The following OSM variants were observed in gnomAD, a reference collection of about 807,000 sequenced individuals.
The protein encoded by OSM is oncostatin M.
In OSM, 1 loss-of-function variant was observed where a neutral mutation model predicts 6.3. The observed-to-expected ratio is 0.16, with a 90% CI of 0.06 to 0.76. The LOEUF (loss-of-function observed/expected upper bound fraction) is 0.76, where lower values mean the gene tolerates loss of function less well. Ranked by LOEUF, OSM falls within the 30% of genes least tolerant of loss-of-function variation. OSM has a pLI of 0.77. For missense variants in OSM, 324 were observed against 336.9 expected (o/e 0.96, Z 0.30); for synonymous variants, 135 against 143.4 (o/e 0.94, Z 0.42).
chr22:30,265,195 T>C (rs5763918), intron 1 of OSM, 51 bp from the exon 2 acceptor site: 327,468 of 1,580,664 alleles, frequency 0.21, 35,670 homozygotes, highest in African/African-American at 0.33. Flanking sequence ...AAGCCACAGA[T>C]GGGAGCCTCG....
chr22:30,264,141 C>T lies in OSM; in HGVS notation c.501G>A (p.Lys167=), dbSNP rs1929321826. ...GCGGCTGAGAGGCCCCCCGGCCAGCCTTCGTGGGCTCAGCCGTGTCTGAGT... is the reference window on the plus strand; with the variant it reads ...GCGGCTGAGAGGCCCCCCGGCCAGCTTTCGTGGGCTCAGCCGTGTCTGAGT... The part of the protein sequence containing the change: ...LDNSDTAEPT[K]AGRGASQPPT... The change falls in exon 3 of 3, where the codon AAG becomes AAA. Residue 167 remains lysine (K), a synonymous_variant. Coordinates refer to ENST00000215781, the MANE Select transcript of OSM (RefSeq NM_020530.6). 1 of 1,612,994 alleles carries T rather than the reference C, an allele frequency of 6.2e-7. No homozygotes were observed. Among genetic ancestry groups the T allele is most frequent in the Non-Finnish European group, 8.5e-7 (1 of 1,179,540 alleles).
In OSM at chr22:30,263,467, TC is replaced by T. The variant is rs1485208220; in HGVS notation, c.*415del. On this transcript the variant is annotated 3_prime_UTR_variant, in exon 3 of 3. Coordinates refer to ENST00000215781, the MANE Select transcript of OSM (RefSeq NM_020530.6). ...TAGGAGGCCAGCTCAGGCTGTGACC[TC>T]CCCTTCAGAAACACGGAAAGGAGGA... 3 of 180,626 alleles carry T rather than the reference TC, an allele frequency of 1.7e-5. No homozygotes were observed. The highest frequency in any genetic ancestry group is 7.1e-5 in the African/African-American group (3 of 42,510). 11.2% of individuals were successfully genotyped at this position (180,626 alleles called of 1,614,324 possible).
At position 30,263,970 on chromosome 22, in the gene OSM, G is replaced by C; in HGVS notation, c.672C>G (p.Pro224=). 15 of 1,540,666 alleles carry C rather than the reference G, an allele frequency of 9.7e-6. No homozygotes were observed. The highest frequency in any genetic ancestry group is 1.3e-5 in the Non-Finnish European group (15 of 1,143,430). ...GCACCCCCTTCCTCAGGGCCTGGTG[G>C]GGGCTGTGTCTCCGGCTCCGGTTCG... The part of the protein sequence containing the change: ...ESPNRSRRHS[P]HQALRKGVRR... Residue 224 remains proline, a synonymous_variant, in exon 3 of 3, where the codon CCC becomes CCG. Coordinates refer to ENST00000215781, the MANE Select transcript of OSM (RefSeq NM_020530.6).
chr22:30,264,108 G>A lies in OSM; in HGVS notation c.534C>T (p.Pro178=), dbSNP rs200309149. The change falls in exon 3 of 3, where the codon CCC becomes CCT. Residue 178 remains proline, a synonymous_variant. Coordinates refer to ENST00000215781, the MANE Select transcript of OSM (RefSeq NM_020530.6). ...GCTGAAAAGCATCCGAGGCAGGGGT[G>A]GGGGTGGGCGGCTGAGAGGCCCCCC... ...AGRGASQPPT[P]TPASDAFQRK... 8 of 1,610,706 alleles carry A rather than the reference G, an allele frequency of 5.0e-6. No individual in the cohort carries two copies. The highest frequency in any genetic ancestry group is 4.0e-5 in the African/African-American group (3 of 74,888).
rs890828254 is a variant in OSM, at chr22:30,265,362, C to T, written c.35-218G>A. On this transcript the variant is annotated intron_variant, in intron 1 of 2. Coordinates refer to ENST00000215781, the MANE Select transcript of OSM (RefSeq NM_020530.6). ...CAGTAAGTCACTGCCCAGGGCCTGACACAGCAAGCAGTGGGAGGGACTGAG... is the reference window on the plus strand; with the variant it reads ...CAGTAAGTCACTGCCCAGGGCCTGATACAGCAAGCAGTGGGAGGGACTGAG... 3.0e-6 allele frequency: 3 copies of T among 985,372 alleles called. No individual in the cohort carries two copies. In the African/African-American group the frequency reaches 5.2e-5, roughly 17 times the overall value. 61.0% of individuals were successfully genotyped at this position (985,372 alleles called of 1,614,324 possible).
rs1389844271 is a variant in OSM at position 30,264,993 on chromosome 22, G to C, written c.177+9C>G. On this transcript the variant is annotated intron_variant, in intron 2 of 2. Coordinates refer to ENST00000215781, the MANE Select transcript of OSM (RefSeq NM_020530.6). ...GAGACTCAGATGCCACAAGGGCCCA[G>C]GTGCTTACATAGGGGTCCAGGAGTC... 1 of 1,613,396 alleles carries C rather than the reference G, an allele frequency of 6.2e-7. No individual in the cohort carries two copies. Among genetic ancestry groups the C allele is most frequent in the South Asian group, 1.1e-5 (1 of 91,062 alleles).
In OSM at chr22:30,263,666, A is replaced by T. The variant is rs199789333; in HGVS notation, c.*217T>A. ...CCGGCCACCCCACTGGGCCTGGGGA[A>T]CTTGGGGCTGAGGTGGGAGCGCAAC... On this transcript the variant is annotated 3_prime_UTR_variant, in exon 3 of 3. Transcript: ENST00000215781. 152 of 395,002 alleles carry T rather than the reference A, an allele frequency of 3.8e-4. 1 individual carries two copies. The highest frequency in any genetic ancestry group is 5.6e-4 in the South Asian group (6 of 10,666). 24.5% of individuals were successfully genotyped at this position (395,002 alleles called of 1,614,324 possible). A position where few individuals can be genotyped will look rare whatever the true frequency, so the allele number is the denominator to read the frequency against.
Position 30,263,731 on chromosome 22 carries a change from T to G in OSM, c.*152A>C. ...TCCCAGCCTGGAGGAGGTAGAGGGG[T>G]CTGCCCAGCTCCCACCTCTTAAAGT... On this transcript the variant is annotated 3_prime_UTR_variant, in exon 3 of 3. Coordinates refer to ENST00000215781, the MANE Select transcript of OSM (RefSeq NM_020530.6). The G allele has an allele frequency of 1.9e-6, 1 of 529,800 alleles. No homozygotes were observed. 32.8% of individuals were successfully genotyped at this position (529,800 alleles called of 1,614,324 possible).
rs576001185 is a variant in OSM, at chr22:30,266,114, G to A, written c.34+652C>T. On this transcript the variant is annotated intron_variant, in intron 1 of 2. Transcript: ENST00000215781. The surrounding 1 kb of genome is among the most constrained non-coding windows in gnomAD (Gnocchi z 5.0). ...GCCGCCTCCCCAGGTATCTGCTGCC[G>A]GGCTCTGGCAGGGGCCTGTGCCTGT... 1.3e-4 allele frequency among the ~76,000 whole-genome samples: 20 copies of A among 152,360 alleles called. No homozygotes were observed. The highest frequency in any genetic ancestry group is 2.5e-4 in the Non-Finnish European group (17 of 68,024).
chr22:30,264,541 C>T, intron 2 of OSM, 77 bp from the exon 3 acceptor site: 4 of 1,235,422 alleles, frequency 3.2e-6, no homozygotes, highest in Non-Finnish European at 4.5e-6. Flanking sequence ...CCTTGAAATG[C>T]TAGACCTCAT....
intron 1 of OSM, chr22:30,265,422 C>G: frequency 8.0e-7 from 1 of 1,251,016 alleles, no homozygotes; most frequent in Non-Finnish European, 1.0e-6. Flanking sequence ...GGTCTTTGAG[C>G]AAAGGCTGCA....
rs1929321398 is a variant in OSM at position 30,264,132 on chromosome 22, C to G, written c.510G>C (p.Arg170=). ...SDTAEPTKAG[R]GASQPPTPTP... Reference sequence around the variant, plus strand: ...TGGGGGTGGGCGGCTGAGAGGCCCCCCGGCCAGCCTTCGTGGGCTCAGCCG... The same window carrying G: ...TGGGGGTGGGCGGCTGAGAGGCCCCGCGGCCAGCCTTCGTGGGCTCAGCCG... Residue 170 remains arginine, a synonymous_variant, in exon 3 of 3, where the codon CGG becomes CGC. Transcript: ENST00000215781. 2 of 1,612,410 alleles carry G rather than the reference C, an allele frequency of 1.2e-6. No homozygotes were observed. Among genetic ancestry groups the G allele is most frequent in the South Asian group, 2.2e-5 (2 of 91,076 alleles).
Position 30,263,904 on chromosome 22 carries a change from G to A in OSM, c.738C>T (p.Thr246=), listed in dbSNP as rs780706215. The change falls in exon 3 of 3, where the codon ACC becomes ACT. Residue 246 remains threonine, a synonymous_variant. Coordinates refer to ENST00000215781, the MANE Select transcript of OSM (RefSeq NM_020530.6). The part of the protein sequence containing the change: ...RPSRKGKRLM[T]RGQLPR ...GAGGCTACCGGGGCAGCTGTCCCCT[G>A]GTCATGAGTCTCTTGCCTTTCCTGG... The A allele has an allele frequency of 2.0e-6, 3 of 1,504,998 alleles. No individual in the cohort carries two copies. The East Asian group carries it at 6.9e-5, about 34-fold the overall frequency. 93.2% of individuals were successfully genotyped at this position (1,504,998 alleles called of 1,614,324 possible). A position where few individuals can be genotyped will look rare whatever the true frequency, so the allele number is the denominator to read the frequency against.
At position 30,264,318 on chromosome 22, in the gene OSM, G is replaced by C; in HGVS notation, c.324C>G (p.His108Gln). The change falls in exon 3 of 3, where the codon CAC becomes CAG. Residue 108 changes from histidine to glutamine, a missense_variant. By Grantham distance (24) the His-to-Gln change is conservative. Transcript: ENST00000215781. ...GGCGCTGCTCTAAGTCGGCCAGTCT[G>C]TGCAGGACGCAGCCCAGTGTGGCAT... ...TLNATLGCVL[H>Q]RLADLEQRLP... 1 of 1,614,064 alleles carries C rather than the reference G, an allele frequency of 6.2e-7. No homozygotes were observed. The highest frequency in any genetic ancestry group is 1.1e-5 in the South Asian group (1 of 91,086).
Position 30,263,985 on chromosome 22 carries a change from G to A in OSM, c.657C>T (p.Ser219=). Reference sequence around the variant, plus strand: ...GGGCCTGGTGGGGGCTGTGTCTCCGGCTCCGGTTCGGGCTCTCCCCCCACT... The same window carrying A: ...GGGCCTGGTGGGGGCTGTGTCTCCGACTCCGGTTCGGGCTCTCCCCCCACT... The part of the protein sequence containing the change: ...FSKWGESPNR[S]RRHSPHQALR... Residue 219 remains serine, a synonymous_variant, in exon 3 of 3, where the codon AGC becomes AGT. Transcript: ENST00000215781. 1 of 1,549,074 alleles carries A rather than the reference G, an allele frequency of 6.5e-7. No individual in the cohort carries two copies.
At chr22:30,264,895 G>T in intron 2 of OSM, 107 bp downstream of exon 2, 1 of 1,344,042 alleles carries the variant, frequency 7.4e-7, no homozygotes, top group South Asian at 1.3e-5. Context: ...TCAGTTCCCC[G>T]ACCTGGCCAT....
chr22:30,265,102 G>A lies in OSM; in HGVS notation c.77C>T (p.Ala26Val), dbSNP rs199826579. ...CTCTTTCGAGCAGCTGCCTATAGCC[G>A]CCATGCTCGCCATGCTTGGAAACAG... The part of the protein sequence containing the change: ...ALLFPSMASM[A>V]AIGSCSKEYR... Residue 26 changes from alanine (A) to valine (V), a missense_variant, in exon 2 of 3, where the codon GCG (alanine) becomes GTG (valine). Ala to Val is a moderately conservative substitution (Grantham distance 64). Transcript: ENST00000215781. 1.5e-5 allele frequency: 24 copies of A among 1,613,992 alleles called. No individual in the cohort carries two copies. The highest frequency in any genetic ancestry group is 2.2e-5 in the East Asian group (1 of 44,894).
In OSM at chr22:30,264,102, A is replaced by C. The variant is rs1569151023; in HGVS notation, c.540T>G (p.Pro180=). 1 of 1,604,086 alleles carries C rather than the reference A, an allele frequency of 6.2e-7. No individual in the cohort carries two copies. Among genetic ancestry groups the C allele is most frequent in the South Asian group, 1.1e-5 (1 of 90,868 alleles). The change falls in exon 3 of 3, where the codon CCT becomes CCG. Residue 180 remains proline (P), a synonymous_variant. Transcript: ENST00000215781. The stretch of plus-strand genomic sequence containing the variant: ...GCTTGCGCTGAAAAGCATCCGAGGC[A>C]GGGGTGGGGGTGGGCGGCTGAGAGG... ...RGASQPPTPT[P]ASDAFQRKLE... is the part of the protein sequence containing the mutation.
Position 30,265,160 on chromosome 22 carries a change from G to A in OSM, c.35-16C>T. 1 of 1,603,514 alleles carries A rather than the reference G, an allele frequency of 6.2e-7. No individual in the cohort carries two copies. Among genetic ancestry groups the A allele is most frequent in the Non-Finnish European group, 8.5e-7 (1 of 1,171,508 alleles). On this transcript the variant is annotated splice_polypyrimidine_tract_variant and intron_variant, in intron 1 of 2. Coordinates refer to ENST00000215781, the MANE Select transcript of OSM (RefSeq NM_020530.6). ...AGGACCAGACCTAAGGCAGAGAAGA[G>A]GGGTGTCACCTGACTTGGTGAGGAA... is the stretch of plus-strand genomic sequence containing the variant.
Sources: allele counts gnomAD v4.1 joint callset (sites outside exome capture counted in the v4.1 genomes callset), GRCh38; gene constraint gnomAD v4.1.1; non-coding constraint Gnocchi (gnomAD v3.1); transcripts MANE v1.5; gene names NCBI Gene and HGNC (gene_info 2026-07-23, HGNC 2026-07-21).